Variants in ARF4 observed in about 807,000 individuals in gnomAD.
ARF4 encodes the protein ADP-ribosylation factor 4.
A neutral mutation model predicts 24.3 loss-of-function variants in ARF4; 5 were observed. The observed-to-expected ratio is 0.21, with a 90% CI of 0.11 to 0.43. ARF4 has a LOEUF of 0.43. Ranked by LOEUF, ARF4 falls within the 20% of genes least tolerant of loss-of-function variation. The pLI, the probability that ARF4 is intolerant of heterozygous loss-of-function variation, is 1.00. For missense variants in ARF4, 107 were observed against 213.0 expected (o/e 0.50, Z 3.10); for synonymous variants, 62 against 73.5 (o/e 0.84, Z 0.80).
intron 3 of ARF4, among the ~76,000 whole-genome samples, chr3:57,580,241 T>C (rs1321653362): frequency 7.9e-5 from 12 of 152,164 alleles, no homozygotes; most frequent in Non-Finnish European, 1.8e-4. Context: ...AAAATAAAAA[T>C]ACTAACTTCA....
intron 3 of ARF4, among the ~76,000 whole-genome samples, chr3:57,578,699 G>A (rs1015976622): frequency 2.0e-5 from 3 of 151,990 alleles, no homozygotes; most frequent in South Asian, 2.1e-4. Flanking sequence ...ATGTGGTCTC[G>A]AACTCCTGGA....
chr3:57,577,874 C>T lies in ARF4; in HGVS notation c.259-487G>A, dbSNP rs532604836. ...TTTGAGACCAGCCTGGGCAACATGG[C>T]GAAAGGTCATCTCTACAAAAAAATA... On this transcript the variant is annotated intron_variant, in intron 3 of 5. Coordinates refer to ENST00000303436, the MANE Select transcript of ARF4 (RefSeq NM_001660.4). Among the ~76,000 whole-genome samples, 6 of 151,832 alleles carry T rather than the reference C, an allele frequency of 4.0e-5. No homozygotes were observed. In the East Asian group the frequency reaches 1.2e-3, roughly 30 times the overall value.
chr3:57,588,883 A>T (rs1353536801), intron 1 of ARF4, among the ~76,000 whole-genome samples: 3 of 152,160 alleles, frequency 2.0e-5, no homozygotes, highest in Non-Finnish European at 4.4e-5. Flanking sequence ...CAGGTGGATC[A>T]CCTGAAGTCA....
chr3:57,577,407 G>A lies in ARF4; in HGVS notation c.259-20C>T, dbSNP rs1300714120. On this transcript the variant is annotated intron_variant, in intron 3 of 5. Transcript: ENST00000303436. ...AAGACCCTGGGGAAAAATTGTTTCAGTAAATTTTAACAGTTAAACGACACT... is the reference window on the plus strand; with the variant it reads ...AAGACCCTGGGGAAAAATTGTTTCAATAAATTTTAACAGTTAAACGACACT... The A allele has an allele frequency of 6.2e-7, 1 of 1,603,110 alleles. No homozygotes were observed. Among genetic ancestry groups the A allele is most frequent in the African/African-American group, 1.3e-5 (1 of 74,682 alleles).
intron 3 of ARF4, among the ~76,000 whole-genome samples, chr3:57,579,253 CA>C (rs764058520): frequency 2.1e-5 from 1 of 47,600 alleles, no homozygotes; most frequent in Non-Finnish European, 3.5e-5. Flanking sequence ...AACTACATCT[CA>C]AAAAAAAAAA....
chr3:57,586,846 T>A (rs1031541897), intron 1 of ARF4, among the ~76,000 whole-genome samples: 6 of 152,134 alleles, frequency 3.9e-5, no homozygotes, highest in African/African-American at 1.4e-4. Context: ...AGCTGTCTCT[T>A]GAAAGCATCA....
At chr3:57,587,606 T>C (rs1383697894) in intron 1 of ARF4, among the ~76,000 whole-genome samples, 1 of 152,110 alleles carries the variant, frequency 6.6e-6, no homozygotes, top group African/African-American at 2.4e-5. Context: ...ATTAAAATGT[T>C]GGGCTGTTTA....
At chr3:57,591,529 C>T (rs576040801) in intron 1 of ARF4, among the ~76,000 whole-genome samples, 2 of 150,904 alleles carry the variant, frequency 1.3e-5, no homozygotes, top group South Asian at 2.1e-4. Context: ...TGCAATGGCA[C>T]GATCTCAGCT....
At chr3:57,585,348 C>G (rs1365025192) in intron 1 of ARF4, among the ~76,000 whole-genome samples, 1 of 152,108 alleles carries the variant, frequency 6.6e-6, no homozygotes, top group Non-Finnish European at 1.5e-5. Flanking sequence ...TAACTATGTT[C>G]TAATGAACTT....
At position 57,597,285 on chromosome 3, in the gene ARF4, C is replaced by T. The variant is rs1326289754; in HGVS notation, c.-145G>A. ...GAGGGAGGCAGAAACGTCTCAGTGG[C>T]CCCTGTGCCGATGAAGATCCGGCAC... On this transcript the variant is annotated 5_prime_UTR_variant, in exon 1 of 6. Coordinates refer to ENST00000303436, the MANE Select transcript of ARF4 (RefSeq NM_001660.4). 1.4e-5 allele frequency: 10 copies of T among 726,454 alleles called. No individual in the cohort carries two copies. In the South Asian group the frequency reaches 1.8e-4, roughly 13 times the overall value. 45.0% of individuals were successfully genotyped at this position (726,454 alleles called of 1,614,324 possible). A position where few individuals can be genotyped will look rare whatever the true frequency, so the allele number is the denominator to read the frequency against.
chr3:57,575,030 G>A (rs1460153796), intron 5 of ARF4, among the ~76,000 whole-genome samples: 4 of 152,108 alleles, frequency 2.6e-5, no homozygotes, highest in Non-Finnish European at 1.5e-5. Context: ...TGTATTTTTA[G>A]TAGAGACAGG....
At chr3:57,596,073 C>G (rs989896509) in intron 1 of ARF4, among the ~76,000 whole-genome samples, 1 of 152,162 alleles carries the variant, frequency 6.6e-6, no homozygotes. Flanking sequence ...GTCCATGGAG[C>G]TCAGCTGTGA....
Position 57,575,531 on chromosome 3 carries a change from A to AGAT in ARF4, c.456+16_456+17insATC. The stretch of plus-strand genomic sequence containing the variant: ...TCTTAATAGTCAAGAGGTTAATATC[A>AGAT]ACCTCCAAATACTTACTGTTCTGTT... On this transcript the variant is annotated intron_variant, in intron 5 of 5. Transcript: ENST00000303436. 1.2e-6 allele frequency: 2 copies of AGAT among 1,602,472 alleles called. No individual in the cohort carries two copies. The highest frequency in any genetic ancestry group is 3.5e-5 in the Admixed American group (2 of 57,088).
At chr3:57,587,212 T>G (rs4481125) in intron 1 of ARF4, among the ~76,000 whole-genome samples, 113,360 of 151,164 alleles carry the variant, frequency 0.75, 44,517 homozygotes, top group East Asian at 1. Context: ...CCAGATACTC[T>G]GGAGGCTGAG....
chr3:57,592,684 G>A (rs755669763), intron 1 of ARF4, among the ~76,000 whole-genome samples: 2 of 152,154 alleles, frequency 1.3e-5, no homozygotes, highest in African/African-American at 2.4e-5. Context: ...GCAAAAGGGT[G>A]CATCTAAGGA....
At chr3:57,592,114 C>T (rs963489760) in intron 1 of ARF4, among the ~76,000 whole-genome samples, 3 of 152,206 alleles carry the variant, frequency 2.0e-5, no homozygotes, top group Admixed American at 2.0e-4. Context: ...AACCAAAAAA[C>T]CTAGTTCTGA....
chr3:57,588,356 G>A (rs928767456), intron 1 of ARF4, among the ~76,000 whole-genome samples: 4 of 152,074 alleles, frequency 2.6e-5, no homozygotes, highest in African/African-American at 9.7e-5. Context: ...CTTGAGCCCA[G>A]GAGTTTGAAA....
chr3:57,594,161 T>C (rs968604339), intron 1 of ARF4, among the ~76,000 whole-genome samples: 3 of 152,032 alleles, frequency 2.0e-5, no homozygotes, highest in Non-Finnish European at 2.9e-5. Context: ...GAGGCAGAGG[T>C]TGCAGTGAGC....
chr3:57,584,279 C>T (rs2153408987), intron 2 of ARF4, 105 bp downstream of exon 2: 1 of 1,125,240 alleles, frequency 8.9e-7, no homozygotes, highest in Non-Finnish European at 1.3e-6. Flanking sequence ...AAAAGTACTT[C>T]TAAGATAATC....
Sources: gnomAD v4.1 joint callset for allele counts (sites outside exome capture counted in the v4.1 genomes callset) on GRCh38, gnomAD v4.1.1 for gene constraint, MANE v1.5 for transcripts, NCBI Gene and HGNC (gene_info 2026-07-23, HGNC 2026-07-21) for gene names.